Variants in ZNF626 observed in about 807,000 individuals in gnomAD.
The protein encoded by ZNF626 is CTC-513N18.7.
ZNF626 carries 4 observed loss-of-function variants against 11.7 expected under a neutral mutation model. The observed-to-expected ratio is 0.34, with a 90% CI of 0.17 to 0.78. ZNF626 has a LOEUF of 0.78. ZNF626 is among the 30% of genes least tolerant of loss of function. ZNF626 has a pLI of 0.57. For missense variants in ZNF626, 588 were observed against 587.1 expected, an observed-to-expected ratio of 1.00 and a Z score of -0.01; for synonymous variants, 179 against 198.6, an observed-to-expected ratio of 0.90 and a Z score of 0.83.
At chr19:20,639,761 A>G (rs1204835905) in intron 3 of ZNF626, among the ~76,000 whole-genome samples, 1 of 152,240 alleles carries the variant, frequency 6.6e-6, no homozygotes, top group Non-Finnish European at 1.5e-5. Context: ...TCATTTAAAA[A>G]AGACTAAAAT....
At chr19:20,636,647 C>T (rs1012358638) in intron 3 of ZNF626, among the ~76,000 whole-genome samples, 7 of 151,746 alleles carry the variant, frequency 4.6e-5, no homozygotes, top group Non-Finnish European at 4.4e-5. Context: ...AATTATTTTA[C>T]TTCAAAAAGA....
chr19:20,639,169 T>C (rs983562553), intron 3 of ZNF626, among the ~76,000 whole-genome samples: 5 of 152,190 alleles, frequency 3.3e-5, no homozygotes. Context: ...TTTGAATCAA[T>C]AGAGCATAAA....
Position 20,661,499 on chromosome 19 carries a change from C to T in ZNF626, c.-53G>A. On this transcript the variant is annotated 5_prime_UTR_variant, in exon 1 of 4. Transcript: ENST00000601440. ...TTAGCTGTGGATCTCCCAATACCTG[C>T]AGGACACGGGGCCACACAGCCTGGG... is the stretch of plus-strand genomic sequence containing the variant. 1 of 1,607,886 alleles carries T rather than the reference C, an allele frequency of 6.2e-7. No individual in the cohort carries two copies. Among genetic ancestry groups the T allele is most frequent in the South Asian group, 1.1e-5 (1 of 90,360 alleles).
intron 3 of ZNF626, among the ~76,000 whole-genome samples, chr19:20,629,739 C>T (rs1176123499): frequency 6.6e-6 from 1 of 152,186 alleles, no homozygotes; most frequent in Non-Finnish European, 1.5e-5. Flanking sequence ...GACAATTTGA[C>T]TTCCTCTTTT....
chr19:20,651,930 T>C (rs191065413), intron 1 of ZNF626, among the ~76,000 whole-genome samples: 1 of 152,200 alleles, frequency 6.6e-6, no homozygotes, highest in Non-Finnish European at 1.5e-5. Context: ...AAGATGCTTT[T>C]TTTTTACACT....
At chr19:20,657,993 G>A (rs779135224) in intron 1 of ZNF626, among the ~76,000 whole-genome samples, 2 of 151,980 alleles carry the variant, frequency 1.3e-5, no homozygotes, top group South Asian at 2.1e-4. Context: ...ATACCTGTTC[G>A]GTGGTATGCT....
Position 20,625,210 on chromosome 19 carries a change from G to A in ZNF626, c.667C>T (p.His223Tyr). 6.2e-7 allele frequency: 1 copy of A among 1,613,270 alleles called. No homozygotes were observed. Among genetic ancestry groups the A allele is most frequent in the Non-Finnish European group, 8.5e-7 (1 of 1,179,942 alleles). Residue 223 changes from histidine to tyrosine, a missense_variant, in exon 4 of 4, where the codon CAT (histidine) becomes TAT (tyrosine). Physicochemically the swap from His to Tyr is moderately conservative, Grantham distance 83. Around this residue, in one of 4 missense-constraint regions of ZNF626, gnomAD observed 524 missense variants for 470.1 expected, o/e 1.11. Coordinates refer to ENST00000601440, the MANE Select transcript of ZNF626 (RefSeq NM_001076675.3). ...CATTTGTAGGGTTTCTCTCCAGTAT[G>A]AATTTTCTTATGTCTAGTAAGGCTA... ...SCSLTRHKKI[H>Y]TGEKPYKCEE...
intron 3 of ZNF626, among the ~76,000 whole-genome samples, chr19:20,640,945 T>G (rs984282956): frequency 6.6e-6 from 1 of 152,058 alleles, no homozygotes; most frequent in African/African-American, 2.4e-5. Flanking sequence ...GGCCAGGAGT[T>G]TGAGACCAGG....
chr19:20,648,931 A>G (rs1402049923), intron 1 of ZNF626, among the ~76,000 whole-genome samples: 1 of 152,226 alleles, frequency 6.6e-6, no homozygotes, highest in Non-Finnish European at 1.5e-5. Context: ...AAATATAGGA[A>G]AGAAATATTT....
intron 3 of ZNF626, among the ~76,000 whole-genome samples, chr19:20,642,699 G>T (rs1555771595): frequency 6.6e-6 from 1 of 151,866 alleles, no homozygotes; most frequent in East Asian, 1.9e-4. Context: ...CATAAAATCT[G>T]GTGTAACACA....
chr19:20,660,300 C>G (rs1970251354), intron 1 of ZNF626, among the ~76,000 whole-genome samples: 1 of 142,928 alleles, frequency 7.0e-6, no homozygotes, highest in Non-Finnish European at 1.5e-5. Flanking sequence ...TTAGCCTTAG[C>G]TTGGAGTCAC....
Position 20,623,062 on chromosome 19 carries a change from A to C in ZNF626, c.*1228T>G, listed in dbSNP as rs1302195851. 2.0e-5 allele frequency: 3 copies of C among 152,318 alleles called. No individual in the cohort carries two copies. Among genetic ancestry groups the C allele is most frequent in the South Asian group, 2.1e-4 (1 of 4,846 alleles). 9.4% of individuals were successfully genotyped at this position (152,318 alleles called of 1,614,324 possible). On this transcript the variant is annotated 3_prime_UTR_variant, in exon 4 of 4. Coordinates refer to ENST00000601440, the MANE Select transcript of ZNF626 (RefSeq NM_001076675.3). ...CTGTATATTTGTAATGGTTGTCTTC[A>C]GAATAAATACTCTTCTTCACTTTAA...
At position 20,621,825 on chromosome 19, in the gene ZNF626, G is replaced by T. The variant is rs539495555; in HGVS notation, c.*2465C>A. On this transcript the variant is annotated 3_prime_UTR_variant, in exon 4 of 4. Transcript: ENST00000601440. ...TGCTTACACCATTTGAGTAAGGCCG[G>T]ATAGGTTAAAGTTAGTGGCATAATA... 1 of 152,210 alleles carries T rather than the reference G, an allele frequency of 6.6e-6. No individual in the cohort carries two copies. The highest frequency in any genetic ancestry group is 2.1e-4 in the South Asian group (1 of 4,826). The allele number at this position is 152,210 out of a possible 1,614,324, so 9.4% of individuals were successfully genotyped here.
intron 1 of ZNF626, among the ~76,000 whole-genome samples, chr19:20,656,492 TCAAA>T (rs557512472): frequency 1.7e-4 from 26 of 151,998 alleles, no homozygotes; most frequent in African/African-American, 4.6e-4. Flanking sequence ...TATAAATAGC[TCAAA>T]CAAACAACCT....
intron 1 of ZNF626, among the ~76,000 whole-genome samples, chr19:20,654,486 A>G (rs1168790147): frequency 2.0e-5 from 3 of 151,910 alleles, no homozygotes. Context: ...AGGTGGGCGG[A>G]TCATGAGGTC....
At chr19:20,640,738 A>G (rs2144779421) in intron 3 of ZNF626, among the ~76,000 whole-genome samples, 1 of 152,116 alleles carries the variant, frequency 6.6e-6, no homozygotes, top group East Asian at 1.9e-4. Flanking sequence ...AAAACACCAA[A>G]TCTGTTGATG....
At position 20,622,931 on chromosome 19, in the gene ZNF626, T is replaced by A. The variant is rs2144759139; in HGVS notation, c.*1359A>T. ...TTTTTTTAAAGTGTTTCCAAATTCA[T>A]TACATTTGCAGGACCCTTCTCCAAT... On this transcript the variant is annotated 3_prime_UTR_variant, in exon 4 of 4. Coordinates refer to ENST00000601440, the MANE Select transcript of ZNF626 (RefSeq NM_001076675.3). The A allele has an allele frequency of 6.6e-6, 1 of 152,070 alleles. No individual in the cohort carries two copies. The highest frequency in any genetic ancestry group is 2.4e-5 in the African/African-American group (1 of 41,508). The allele number at this position is 152,070 out of a possible 1,614,324, so 9.4% of individuals were successfully genotyped here. A position where few individuals can be genotyped will look rare whatever the true frequency, so the allele number is the denominator to read the frequency against.
chr19:20,648,504 G>A (rs1035093640), intron 1 of ZNF626, among the ~76,000 whole-genome samples: 2 of 151,836 alleles, frequency 1.3e-5, no homozygotes, highest in Non-Finnish European at 2.9e-5. Context: ...AGCCTACCAA[G>A]TAGCTGGGAC....
At chr19:20,632,862 G>A (rs1228479628) in intron 3 of ZNF626, among the ~76,000 whole-genome samples, 5 of 152,046 alleles carry the variant, frequency 3.3e-5, no homozygotes, top group African/African-American at 4.8e-5. Context: ...AGAGGCGCTC[G>A]GATTTTTAGA....
Sources: gnomAD v4.1 joint callset for allele counts (sites outside exome capture counted in the v4.1 genomes callset) on GRCh38, gnomAD v4.1.1 for gene constraint, gnomAD v4.1.1 regional missense constraint, MANE v1.5 for transcripts, NCBI Gene and HGNC (gene_info 2026-07-23, HGNC 2026-07-21) for gene names.